The following CHI3L1 variants were observed in gnomAD, a reference collection of about 807,000 sequenced individuals.
The protein encoded by CHI3L1 is chitinase 3 like 1, also known as chitinase-3-like protein 1.
A neutral mutation model predicts 40.7 loss-of-function variants in CHI3L1; 30 were observed. The observed-to-expected ratio is 0.74, with a 90% CI of 0.55 to 1.00. CHI3L1 has a LOEUF of 1.00. Ranked by LOEUF, CHI3L1 falls within the 50% of genes least tolerant of loss-of-function variation. CHI3L1 has a pLI of 0.00. For missense variants in CHI3L1, 493 were observed against 492.2 expected, an observed-to-expected ratio of 1.00 and a Z score of -0.01; for synonymous variants, 210 against 192.1, an observed-to-expected ratio of 1.09 and a Z score of -0.77.
intron 7 of CHI3L1, 50 bp from the exon 8 acceptor site, chr1:203,180,702 G>C (rs751263616): frequency 1.4e-5 from 20 of 1,429,448 alleles, no homozygotes; most frequent in Non-Finnish European, 1.9e-5. Context: ...CACAGGTGCG[G>C]AAGGTTGAGC....
chr1:203,180,156 G>C (rs1655903460), intron 8 of CHI3L1: 1 of 566,686 alleles, frequency 1.8e-6, no homozygotes, highest in Non-Finnish European at 3.2e-6. Flanking sequence ...GCCACACAGA[G>C]TAGCAGAGGC....
Position 203,180,507 on chromosome 1 carries a change from C to G in CHI3L1, c.857G>C (p.Arg286Pro), listed in dbSNP as rs76446715. ...APISGPGIPG[R>P]FTKEAGTLAY... ...AAGGGTCCCTGCCTCCTTGGTGAAC[C>G]GGCCTGGAATTCCCGGTCCTGAGAT... The change falls in exon 8 of 10, where the codon CGG (arginine) becomes CCG (proline). Residue 286 changes from arginine (R) to proline (P), a missense_variant. Transcript: ENST00000255409. 919 of 1,604,654 alleles carry G rather than the reference C, an allele frequency of 5.7e-4. 6 individuals carry two copies. The African/African-American group carries it at 0.012, about 20-fold the overall frequency.
chr1:203,184,690 G>T (rs1656019443), intron 3 of CHI3L1, 58 bp from the exon 4 acceptor site: 2 of 1,485,418 alleles, frequency 1.3e-6, no homozygotes, highest in African/African-American at 2.8e-5. Context: ...CATGACACTG[G>T]GTGGCCCCAT....
intron 6 of CHI3L1, 102 bp downstream of exon 6, chr1:203,182,629 C>T (rs2102205111): frequency 7.4e-7 from 1 of 1,346,536 alleles, no homozygotes; most frequent in East Asian, 2.3e-5. Flanking sequence ...GGACTGGAAG[C>T]CCAGTGTCCT....
intron 6 of CHI3L1, 42 bp downstream of exon 6, chr1:203,182,689 T>C: frequency 6.2e-7 from 1 of 1,612,440 alleles, no homozygotes; most frequent in Non-Finnish European, 8.5e-7. Flanking sequence ...ACAGGAGTGT[T>C]GGCAGAGGTT....
intron 5 of CHI3L1, 97 bp from the exon 6 acceptor site, chr1:203,182,949 G>A (rs1655967699): frequency 3.0e-6 from 4 of 1,320,074 alleles, no homozygotes; most frequent in African/African-American, 2.9e-5. Flanking sequence ...CCCATTTGCT[G>A]TACTCCCCAA....
rs1324005678 is a variant in CHI3L1, at chr1:203,179,214, T to A, written c.*231A>T. On this transcript the variant is annotated 3_prime_UTR_variant, in exon 10 of 10. Coordinates refer to ENST00000255409, the MANE Select transcript of CHI3L1 (RefSeq NM_001276.4). ...CCATTAATCAACAAGTGTGTACTAA[T>A]CCCGAGTCTTACATTGCGATGCCTC... The A allele has an allele frequency of 9.3e-6, 4 of 430,168 alleles. No homozygotes were observed. Among genetic ancestry groups the A allele is most frequent in the Non-Finnish European group, 1.6e-5 (4 of 242,644 alleles). 26.6% of individuals were successfully genotyped at this position (430,168 alleles called of 1,614,324 possible).
intron 2 of CHI3L1, among the ~76,000 whole-genome samples, 180 bp downstream of exon 2, chr1:203,186,136 T>A (rs577037656): frequency 6.6e-6 from 1 of 152,132 alleles, no homozygotes; most frequent in Non-Finnish European, 1.5e-5. Context: ...CCAAAGAGTA[T>A]AGCAAAATAA....
chr1:203,185,777 G>A (rs1656043147), intron 2 of CHI3L1, among the ~76,000 whole-genome samples: 1 of 152,176 alleles, frequency 6.6e-6, no homozygotes, highest in Non-Finnish European at 1.5e-5. Context: ...AGATGGCCCT[G>A]GCTTTCAGGC....
intron 1 of CHI3L1, 49 bp from the exon 2 acceptor site, chr1:203,186,394 C>T (rs890890270): frequency 1.1e-5 from 17 of 1,570,170 alleles, no homozygotes; most frequent in Admixed American, 5.6e-5. Flanking sequence ...CCTGCCCTTC[C>T]GCCCTGCTCC....
Position 203,186,046 on chromosome 1 carries a change from G to A in CHI3L1, c.55+270C>T, listed in dbSNP as rs182161950. ...GCAGCTACTGGGCAACTGTACTAGCGGCTCCCAGGGGCTGTTAGTCAAAGC... is the reference window on the plus strand; with the variant it reads ...GCAGCTACTGGGCAACTGTACTAGCAGCTCCCAGGGGCTGTTAGTCAAAGC... On this transcript the variant is annotated intron_variant, in intron 2 of 9. Transcript: ENST00000255409. 2.7e-4 allele frequency among the ~76,000 whole-genome samples: 41 copies of A among 152,240 alleles called. 1 individual carries two copies. Among genetic ancestry groups the A allele is most frequent in the Middle Eastern group, 3.4e-3 (1 of 294 alleles).
chr1:203,183,135 C>G (rs1655972690), intron 5 of CHI3L1, among the ~76,000 whole-genome samples: 1 of 152,202 alleles, frequency 6.6e-6, no homozygotes, highest in Non-Finnish European at 1.5e-5. Context: ...CCCCTATTGG[C>G]CCACAGATGA....
chr1:203,181,044 G>A, intron 7 of CHI3L1, 118 bp downstream of exon 7: 4 of 1,316,052 alleles, frequency 3.0e-6, no homozygotes, highest in Non-Finnish European at 4.1e-6. Flanking sequence ...TGTGGAATGG[G>A]CCTCATGACC....
Position 203,180,662 on chromosome 1 carries a change from G to GT in CHI3L1, c.712-11dup. The GT allele has an allele frequency of 4.2e-5, 32 of 753,432 alleles. No homozygotes were observed. Among genetic ancestry groups the GT allele is most frequent in the Non-Finnish European group, 5.7e-5 (26 of 456,842 alleles). The allele number at this position is 753,432 out of a possible 1,614,324, so 46.7% of individuals were successfully genotyped here. On this transcript the variant is annotated splice_polypyrimidine_tract_variant and intron_variant, in intron 7 of 9. Coordinates refer to ENST00000255409, the MANE Select transcript of CHI3L1 (RefSeq NM_001276.4). ...ACCCCACAGCATAGTCCTGGGTGGG[G>GT]TAGGGTGGGAACAACGTGAGCAGTT...
At chr1:203,180,001 G>T in intron 8 of CHI3L1, 124 bp from the exon 9 acceptor site, 1 of 847,148 alleles carries the variant, frequency 1.2e-6, no homozygotes, top group East Asian at 2.6e-5. Context: ...ACTCTCTGCA[G>T]GGTCTGCAGG....
At chr1:203,186,422 G>T in intron 1 of CHI3L1, 77 bp from the exon 2 acceptor site, 1 of 1,538,278 alleles carries the variant, frequency 6.5e-7, no homozygotes, top group South Asian at 1.2e-5. Context: ...AAGCAACTGA[G>T]ACCCACCTCC....
chr1:203,185,283 T>C lies in CHI3L1; in HGVS notation c.158A>G (p.His53Arg). Residue 53 changes from histidine to arginine, a missense_variant, in exon 3 of 10, where the codon CAC (histidine) becomes CGC (arginine). His to Arg is a conservative substitution (Grantham distance 29). Coordinates refer to ENST00000255409, the MANE Select transcript of CHI3L1 (RefSeq NM_001276.4). ...PDALDRFLCT[H>R]IIYSFANISN... ...TATATTGGCAAAGCTGTAGATGATGTGGGTACAGAGGAAGCGGTCAAGGGC... is the reference window on the plus strand; with the variant it reads ...TATATTGGCAAAGCTGTAGATGATGCGGGTACAGAGGAAGCGGTCAAGGGC... The C allele has an allele frequency of 6.2e-7, 1 of 1,614,204 alleles. No individual in the cohort carries two copies. The highest frequency in any genetic ancestry group is 1.1e-5 in the South Asian group (1 of 91,092).
intron 6 of CHI3L1, 65 bp downstream of exon 6, chr1:203,182,666 G>T (rs12409713): frequency 1.3e-6 from 2 of 1,594,840 alleles, no homozygotes; most frequent in East Asian, 2.2e-5. Context: ...CTAGGGCTGG[G>T]GGTGGCGGGG....
At chr1:203,179,645 C>A in intron 9 of CHI3L1, 60 bp from the exon 10 acceptor site, 1 of 1,613,862 alleles carries the variant, frequency 6.2e-7, no homozygotes. Flanking sequence ...GTGTACAGGG[C>A]ACATGTGCTC....
Sources: gnomAD v4.1 joint callset for allele counts (sites outside exome capture counted in the v4.1 genomes callset) on GRCh38, gnomAD v4.1.1 for gene constraint, MANE v1.5 for transcripts, NCBI Gene and HGNC (gene_info 2026-07-23, HGNC 2026-07-21) for gene names.